The following IL1RAP variants were observed in gnomAD, a reference collection of about 807,000 sequenced individuals.
IL1RAP encodes the protein interleukin 1 receptor accessory protein, also known as interleukin-1 receptor accessory protein.
In IL1RAP, 35 loss-of-function variants were observed where a neutral mutation model predicts 60.7. That is an observed-to-expected ratio of 0.58 (90% CI 0.44 to 0.76). The LOEUF (loss-of-function observed/expected upper bound fraction) is 0.76. Among genes scored for constraint, IL1RAP ranks in the 30% least tolerant of loss-of-function variants. The probability of loss-of-function intolerance (pLI) is 0.00; values close to 1 mark genes in which losing one functional copy is unlikely to be tolerated. For missense variants in IL1RAP, 572 were observed against 693.9 expected, an observed-to-expected ratio of 0.82 and a Z score of 1.97; for synonymous variants, 268 against 250.9, an observed-to-expected ratio of 1.07 and a Z score of -0.64.
chr3:190,572,176 CT>C (rs200002278), intron 3 of IL1RAP, among the ~76,000 whole-genome samples: 2 of 152,164 alleles, frequency 1.3e-5, no homozygotes, highest in East Asian at 3.8e-4. Flanking sequence ...GCGTTTGGGA[CT>C]TCAGACTATC....
chr3:190,568,672 AC>A (rs1257301137), intron 3 of IL1RAP, among the ~76,000 whole-genome samples: 1 of 152,204 alleles, frequency 6.6e-6, no homozygotes, highest in Non-Finnish European at 1.5e-5. Flanking sequence ...TTATTTATAA[AC>A]CAAGCCAACC....
chr3:190,648,870 G>C lies in IL1RAP; in HGVS notation c.*165G>C, dbSNP rs1221609459. ...TGTGGCTGACTATTCTGCTTCCTCA[G>C]GCAACACTAAAGTTTAGAAAGATAT... On this transcript the variant is annotated 3_prime_UTR_variant, in exon 12 of 12. Transcript: ENST00000447382. 4.5e-5 allele frequency: 63 copies of C among 1,410,944 alleles called. No homozygotes were observed. The East Asian group carries it at 1.6e-3, about 36-fold the overall frequency. The allele number at this position is 1,410,944 out of a possible 1,614,324, so 87.4% of individuals were successfully genotyped here. A position where few individuals can be genotyped will look rare whatever the true frequency, so the allele number is the denominator to read the frequency against.
intron 11 of IL1RAP, among the ~76,000 whole-genome samples, chr3:190,646,932 T>C (rs537138940): frequency 6.6e-6 from 1 of 152,330 alleles, no homozygotes; most frequent in South Asian, 2.1e-4. Flanking sequence ...ATTCCACTCA[T>C]TTTAATACTT....
At chr3:190,632,045 C>T (rs1002395286) in intron 9 of IL1RAP, among the ~76,000 whole-genome samples, 19 of 152,152 alleles carry the variant, frequency 1.2e-4, no homozygotes, top group Non-Finnish European at 4.4e-5. Context: ...TCAGGTGATC[C>T]TCCTGCCTCA....
intron 1 of IL1RAP, among the ~76,000 whole-genome samples, chr3:190,544,596 T>C (rs1724213612): frequency 6.6e-6 from 1 of 152,176 alleles, no homozygotes; most frequent in Admixed American, 6.5e-5. Flanking sequence ...GGTCTACTGT[T>C]TGGGGGCCCT....
intron 5 of IL1RAP, among the ~76,000 whole-genome samples, chr3:190,617,318 C>A (rs1316274276): frequency 6.6e-6 from 1 of 152,164 alleles, no homozygotes; most frequent in African/African-American, 2.4e-5. Flanking sequence ...GTTCTTACTT[C>A]ATCATGACAT....
intron 2 of IL1RAP, 97 bp from the exon 3 acceptor site, chr3:190,564,192 C>T: frequency 1.3e-6 from 1 of 772,434 alleles, no homozygotes; most frequent in Non-Finnish European, 2.3e-6. Context: ...TAGAACAGTC[C>T]CTAGTCTATA....
chr3:190,618,739 A>G (rs966387999), intron 5 of IL1RAP, among the ~76,000 whole-genome samples: 1 of 152,228 alleles, frequency 6.6e-6, no homozygotes, highest in Non-Finnish European at 1.5e-5. Context: ...TGATATCCTA[A>G]GGATATTGAA....
chr3:190,637,024 CTT>C (rs1733278925), intron 9 of IL1RAP, among the ~76,000 whole-genome samples: 1 of 152,062 alleles, frequency 6.6e-6, no homozygotes, highest in Non-Finnish European at 1.5e-5. Context: ...GAATTAATCA[CTT>C]TACATATTTT....
chr3:190,613,650 G>A (rs1426497982), intron 5 of IL1RAP, among the ~76,000 whole-genome samples: 4 of 152,034 alleles, frequency 2.6e-5, no homozygotes, highest in African/African-American at 9.7e-5. Flanking sequence ...TGGCCAATAT[G>A]GTGAAACCCC....
At chr3:190,652,144 T>C (rs1419892745), downstream of IL1RAP, among the ~76,000 whole-genome samples, 2 of 152,118 alleles carry the variant, frequency 1.3e-5, no homozygotes, top group African/African-American at 2.4e-5. Flanking sequence ...AAGTCCATAG[T>C]GACAGGGATG....
At chr3:190,527,826 T>TACACACACAC (rs10602405) in intron 1 of IL1RAP, among the ~76,000 whole-genome samples, 75 of 139,690 alleles carry the variant, frequency 5.4e-4, no homozygotes, top group African/African-American at 1.8e-3. Flanking sequence ...AGGAAAGGTC[T>TACACACACAC]ACACACACAC....
At chr3:190,627,632 G>C (rs1732423873) in intron 8 of IL1RAP, among the ~76,000 whole-genome samples, 183 bp downstream of exon 8, 1 of 152,218 alleles carries the variant, frequency 6.6e-6, no homozygotes, top group Non-Finnish European at 1.5e-5. Context: ...AGCAATGCAA[G>C]GAATAGATGC....
intron 9 of IL1RAP, among the ~76,000 whole-genome samples, chr3:190,638,715 A>G (rs759527954): frequency 5.9e-5 from 9 of 152,074 alleles, no homozygotes; most frequent in Non-Finnish European, 8.8e-5. Context: ...GTTTAGGCCT[A>G]TAGTCCATCT....
intron 1 of IL1RAP, among the ~76,000 whole-genome samples, chr3:190,555,613 T>C (rs1725346389): frequency 6.6e-6 from 1 of 152,214 alleles, no homozygotes; most frequent in African/African-American, 2.4e-5. Context: ...ACTTTTGAAA[T>C]TTACACAGCA....
intron 3 of IL1RAP, among the ~76,000 whole-genome samples, chr3:190,600,947 G>T (rs550109026): frequency 2.1e-3 from 315 of 152,154 alleles, no homozygotes; most frequent in African/African-American, 7.4e-3. Flanking sequence ...TACTCTTGCA[G>T]TTACTTGGGA....
In IL1RAP at chr3:190,651,118, G is replaced by A. The variant is rs918871297; in HGVS notation, c.*2413G>A. The A allele has an allele frequency of 2.0e-6, 2 of 984,728 alleles. No homozygotes were observed. The highest frequency in any genetic ancestry group is 1.2e-6 in the Non-Finnish European group (1 of 829,672). 61.0% of individuals were successfully genotyped at this position (984,728 alleles called of 1,614,324 possible). On this transcript the variant is annotated 3_prime_UTR_variant, in exon 12 of 12. Transcript: ENST00000447382. Reference sequence around the variant, plus strand: ...GATGGCCAATAGAGAACATTCAAGGGAAATGGGGAAACATAATTTAGAGAA... The same window carrying A: ...GATGGCCAATAGAGAACATTCAAGGAAAATGGGGAAACATAATTTAGAGAA...
intron 3 of IL1RAP, among the ~76,000 whole-genome samples, chr3:190,593,687 G>C (rs1324667350): frequency 6.6e-6 from 1 of 152,006 alleles, no homozygotes; most frequent in Non-Finnish European, 1.5e-5. Context: ...TTCATATTAT[G>C]AGAACAGCAC....
At chr3:190,533,761 G>C (rs1159992904) in intron 1 of IL1RAP, among the ~76,000 whole-genome samples, 1 of 152,124 alleles carries the variant, frequency 6.6e-6, no homozygotes. Flanking sequence ...ATGCAGTCTT[G>C]CCCAGGCCAA....
Sources: allele counts gnomAD v4.1 joint callset (sites outside exome capture counted in the v4.1 genomes callset), GRCh38; gene constraint gnomAD v4.1.1; transcripts MANE v1.5; gene names NCBI Gene and HGNC (gene_info 2026-07-23, HGNC 2026-07-21).